Variants in MID2 observed in about 807,000 individuals in gnomAD.
MID2 encodes probable E3 ubiquitin-protein ligase MID2.
In MID2, 13 loss-of-function variants were observed where a neutral mutation model predicts 46.1. That is an observed-to-expected ratio of 0.28 (90% CI 0.18 to 0.45). The LOEUF is 0.45. MID2 is among the 20% of genes least tolerant of loss of function. The probability of loss-of-function intolerance (pLI) is 1.00; values close to 1 mark genes in which losing one functional copy is unlikely to be tolerated. For missense variants in MID2, 431 were observed against 575.4 expected, an observed-to-expected ratio of 0.75 and a Z score of 2.57; for synonymous variants, 199 against 212.3, an observed-to-expected ratio of 0.94 and a Z score of 0.55.
intron 3 of MID2, among the ~76,000 whole-genome samples, chrX:107,887,053 A>T: frequency 8.9e-6 from 1 of 111,793 alleles, no homozygotes; most frequent in Non-Finnish European, 1.9e-5. Context: ...TAAATATACA[A>T]TCATGTCATC....
intron 3 of MID2, among the ~76,000 whole-genome samples, chrX:107,889,984 C>A (rs753463012): frequency 8.9e-6 from 1 of 111,790 alleles, no homozygotes; most frequent in African/African-American, 3.3e-5. Context: ...CCTTTAAGGA[C>A]TTCTCTGCAT....
intron 3 of MID2, among the ~76,000 whole-genome samples, chrX:107,880,592 C>G (rs1041029369): frequency 8.9e-6 from 1 of 111,937 alleles, no homozygotes; most frequent in Non-Finnish European, 1.9e-5. Context: ...GAAAAGGTAT[C>G]TCAAAAGGCC....
At chrX:107,925,570 G>A (rs1933158293) in intron 8 of MID2, among the ~76,000 whole-genome samples, 1 of 111,765 alleles carries the variant, frequency 8.9e-6, no homozygotes, top group South Asian at 3.7e-4. Context: ...TTGTTCAGTT[G>A]CTGAGTTCTC....
chrX:107,862,331 G>A (rs759475784), intron 3 of MID2, among the ~76,000 whole-genome samples: 2 of 111,544 alleles, frequency 1.8e-5, no homozygotes, highest in African/African-American at 3.3e-5. Flanking sequence ...TGAGAGTGGG[G>A]AGAACAATCA....
intron 4 of MID2, among the ~76,000 whole-genome samples, chrX:107,904,731 T>G (rs1483697491): frequency 2.7e-5 from 3 of 111,957 alleles, no homozygotes; most frequent in Non-Finnish European, 3.8e-5. Flanking sequence ...AGTGAAGACA[T>G]TCAGGTTTCT....
At chrX:107,879,768 T>C (rs1047591049) in intron 3 of MID2, among the ~76,000 whole-genome samples, 3 of 111,281 alleles carry the variant, frequency 2.7e-5, no homozygotes, top group African/African-American at 9.8e-5. Flanking sequence ...GGAATTTATC[T>C]TTTTGTTATT....
chrX:107,894,271 C>T (rs922996859), intron 3 of MID2, among the ~76,000 whole-genome samples: 2 of 110,777 alleles, frequency 1.8e-5, no homozygotes, highest in Non-Finnish European at 3.8e-5. Flanking sequence ...TAAACATTGC[C>T]ATCTGGTGGC....
In MID2 at chrX:107,840,653, C is replaced by G. The variant is rs1211831561; in HGVS notation, c.5-17C>G. On this transcript the variant is annotated splice_polypyrimidine_tract_variant and intron_variant, in intron 1 of 9. Coordinates refer to ENST00000262843, the MANE Select transcript of MID2 (RefSeq NM_012216.4). ...CTTTGGAAATGCCTAATGACTCTTGCTTTGTATTCCTTGCAGGTGAAAGCC... is the reference window on the plus strand; with the variant it reads ...CTTTGGAAATGCCTAATGACTCTTGGTTTGTATTCCTTGCAGGTGAAAGCC... 8.6e-7 allele frequency: 1 copy of G among 1,160,632 alleles called. No individual in the cohort carries two copies. The highest frequency in any genetic ancestry group is 1.8e-5 in the South Asian group (1 of 54,597).
At chrX:107,924,753 C>T (rs961439779) in intron 8 of MID2, among the ~76,000 whole-genome samples, 8 of 111,329 alleles carry the variant, frequency 7.2e-5, no homozygotes, top group Non-Finnish European at 3.8e-5. Context: ...CTGTACTCCA[C>T]CCCTTATATT....
chrX:107,873,367 T>C (rs746095323), intron 3 of MID2, among the ~76,000 whole-genome samples: 13 of 112,120 alleles, frequency 1.2e-4, no homozygotes, highest in Non-Finnish European at 2.4e-4. Context: ...AGGGGATTAT[T>C]TTAAAGGCAG....
intron 3 of MID2, among the ~76,000 whole-genome samples, chrX:107,888,080 T>C (rs1291305017): frequency 1.8e-5 from 2 of 112,046 alleles, no homozygotes; most frequent in Non-Finnish European, 1.9e-5. Context: ...AACCAGCTCC[T>C]GGATTCATTG....
Position 107,841,355 on chromosome X carries a change from A to G in MID2, c.690A>G (p.Ala230=), listed in dbSNP as rs758533845. The part of the protein sequence containing the change: ...LVGRHRDHQV[A]SLNDRFEKLK... The stretch of plus-strand genomic sequence containing the variant: ...GTCGTCACCGAGACCATCAGGTCGC[A>G]TCCCTGAATGATCGATTTGAGAAAC... The change falls in exon 2 of 10, where the codon GCA becomes GCG. Residue 230 remains alanine (A), a synonymous_variant. Coordinates refer to ENST00000262843, the MANE Select transcript of MID2 (RefSeq NM_012216.4). 7.5e-6 allele frequency: 9 copies of G among 1,199,884 alleles called. No individual in the cohort carries two copies. Among genetic ancestry groups the G allele is most frequent in the Non-Finnish European group, 1.0e-5 (9 of 888,132 alleles).
At chrX:107,892,069 A>G (rs192217945) in intron 3 of MID2, among the ~76,000 whole-genome samples, 10 of 112,043 alleles carry the variant, frequency 8.9e-5, no homozygotes, top group African/African-American at 2.9e-4. Flanking sequence ...CTTGCTCTGT[A>G]TATATACAGG....
intron 3 of MID2, among the ~76,000 whole-genome samples, chrX:107,885,390 C>T (rs1219414905): frequency 8.4e-5 from 9 of 106,873 alleles, no homozygotes; most frequent in South Asian, 4.3e-4. Flanking sequence ...TTTGTCTTTG[C>T]GATAGTTTGC....
chrX:107,828,329 T>TTTTTTTTA (rs1931008897), intron 1 of MID2, among the ~76,000 whole-genome samples: 1 of 103,464 alleles, frequency 9.7e-6, no homozygotes, highest in African/African-American at 3.6e-5. Context: ...TTTTTTTTTT[T>TTTTTTTTA]GAGACAGGGT....
chrX:107,851,497 G>A (rs752002971), intron 2 of MID2, among the ~76,000 whole-genome samples: 1 of 111,269 alleles, frequency 9.0e-6, no homozygotes, highest in Admixed American at 9.6e-5. Context: ...GCCTTGAATA[G>A]TGCAGCCTTC....
chrX:107,904,538 A>G (rs959600156), intron 4 of MID2, among the ~76,000 whole-genome samples: 7 of 111,266 alleles, frequency 6.3e-5, no homozygotes, highest in Non-Finnish European at 1.1e-4. Flanking sequence ...GGATGATACC[A>G]AAGTCAGGGT....
rs1471644567 is a variant in MID2, at chrX:107,840,682, C to G, written c.17C>G (p.Ala6Gly). 8.3e-7 allele frequency: 1 copy of G among 1,207,676 alleles called. No homozygotes were observed. The highest frequency in any genetic ancestry group is 1.1e-6 in the Non-Finnish European group (1 of 892,337). ...GTATTCCTTGCAGGTGAAAGCCCAG[C>G]CTCCGTGGTTCTTAATGCCTCAGGA... is the stretch of plus-strand genomic sequence containing the variant. MGESP[A>G]SVVLNASGGL... Residue 6 changes from alanine to glycine, a missense_variant, in exon 2 of 10, where the codon GCC becomes GGC. By Grantham distance (60) the Ala-to-Gly change is moderately conservative (BLOSUM62 0). Transcript: ENST00000262843.
At chrX:107,836,548 G>A (rs1207311299) in intron 1 of MID2, among the ~76,000 whole-genome samples, 1 of 108,890 alleles carries the variant, frequency 9.2e-6, no homozygotes, top group Non-Finnish European at 1.9e-5. Flanking sequence ...ACCACGCCCA[G>A]CCTACTTTTT....
Sources: allele counts gnomAD v4.1 joint callset (sites outside exome capture counted in the v4.1 genomes callset), GRCh38; gene constraint gnomAD v4.1.1; transcripts MANE v1.5; gene names NCBI Gene and HGNC (gene_info 2026-07-23, HGNC 2026-07-21).